Variants in CREB1 observed in about 807,000 individuals in gnomAD.
The protein encoded by CREB1 is cyclic AMP-responsive element-binding protein 1.
In CREB1, 2 loss-of-function variants were observed where a neutral mutation model predicts 42.0. The ratio of observed to expected loss-of-function variants is 0.05; its 90% CI spans 0.02 to 0.15. The LOEUF is 0.15. CREB1 is among the 10% of genes least tolerant of loss of function. The pLI, the probability that CREB1 is intolerant of heterozygous loss-of-function variation, is 1.00. For missense variants in CREB1, 199 were observed against 388.9 expected (o/e 0.51, Z 4.11); for synonymous variants, 123 against 139.9 (o/e 0.88, Z 0.85).
chr2:207,558,799 A>C (rs1440799809), intron 2 of CREB1, among the ~76,000 whole-genome samples: 1 of 151,626 alleles, frequency 6.6e-6, no homozygotes, highest in Non-Finnish European at 1.5e-5. Context: ...CTGCCACCAT[A>C]CCTGGCTAAT....
At chr2:207,591,865 AT>A (rs1282025159) in intron 7 of CREB1, among the ~76,000 whole-genome samples, 1 of 152,168 alleles carries the variant, frequency 6.6e-6, no homozygotes, top group Non-Finnish European at 1.5e-5. Context: ...TGCCTTTTAA[AT>A]GGTTTAGATC....
At chr2:207,582,841 T>C in intron 7 of CREB1, 1 of 338,306 alleles carries the variant, frequency 3.0e-6, no homozygotes, top group Non-Finnish European at 5.9e-6. Context: ...TGCAGTGAGC[T>C]GAGATGGCAC....
At chr2:207,548,940 A>C (rs1273341371) in intron 1 of CREB1, among the ~76,000 whole-genome samples, 1 of 152,252 alleles carries the variant, frequency 6.6e-6, no homozygotes, top group African/African-American at 2.4e-5. Flanking sequence ...TTCAGATCAC[A>C]GAGTTAACTT....
intron 7 of CREB1, chr2:207,580,488 G>A (rs544557268): frequency 4.6e-6 from 1 of 216,638 alleles, no homozygotes; most frequent in Admixed American, 5.8e-5. Context: ...TCCATATTTG[G>A]TTTCCTCTTC....
At chr2:207,561,850 C>T (rs889860810) in intron 3 of CREB1, among the ~76,000 whole-genome samples, 1 of 152,134 alleles carries the variant, frequency 6.6e-6, no homozygotes, top group African/African-American at 2.4e-5. Flanking sequence ...CCATTTTATA[C>T]TATTGAGTCA....
At chr2:207,569,832 T>G (rs2082285626) in intron 4 of CREB1, among the ~76,000 whole-genome samples, 1 of 151,842 alleles carries the variant, frequency 6.6e-6, no homozygotes, top group African/African-American at 2.4e-5. Flanking sequence ...TCACATGAGG[T>G]CAGGAGTTCG....
chr2:207,559,270 C>G (rs1319185171), intron 2 of CREB1: 4 of 976,456 alleles, frequency 4.1e-6, no homozygotes, highest in East Asian at 1.1e-4. Flanking sequence ...GTAATAATAA[C>G]AAGTCTAACT....
chr2:207,555,441 T>G (rs893245396), intron 1 of CREB1, among the ~76,000 whole-genome samples, 187 bp from the exon 2 acceptor site: 1 of 152,158 alleles, frequency 6.6e-6, no homozygotes, highest in Non-Finnish European at 1.5e-5. Context: ...GACTAGAACT[T>G]TTATAGCTCA....
In CREB1 at chr2:207,598,056, A is replaced by C. The variant is rs2086458974; in HGVS notation, c.*998A>C. The stretch of plus-strand genomic sequence containing the variant: ...ACCAAGAAAGCCTTCAAGATGTCAA[A>C]TAAAGCAAAGTGATATATATTTGTT... On this transcript the variant is annotated 3_prime_UTR_variant, in exon 8 of 8. Coordinates refer to ENST00000353267, the MANE Select transcript of CREB1 (RefSeq NM_004379.5). 1 of 181,286 alleles carries C rather than the reference A, an allele frequency of 5.5e-6. No individual in the cohort carries two copies. The highest frequency in any genetic ancestry group is 1.2e-5 in the Non-Finnish European group (1 of 84,944). 11.2% of individuals were successfully genotyped at this position (181,286 alleles called of 1,614,324 possible). A position where few individuals can be genotyped will look rare whatever the true frequency, so the allele number is the denominator to read the frequency against.
intron 7 of CREB1, among the ~76,000 whole-genome samples, chr2:207,593,308 T>A (rs1484424146): frequency 1.3e-5 from 2 of 152,212 alleles, no homozygotes; most frequent in Non-Finnish European, 2.9e-5. Context: ...GGAGGATAGC[T>A]TGAGCCCAGG....
At position 207,599,633 on chromosome 2, in the gene CREB1, C is replaced by G. The variant is rs1457945466; in HGVS notation, c.*2575C>G. The G allele has an allele frequency of 2.0e-5, 4 of 199,528 alleles. No individual in the cohort carries two copies. Among genetic ancestry groups the G allele is most frequent in the African/African-American group, 2.3e-5 (1 of 43,394 alleles). 12.4% of individuals were successfully genotyped at this position (199,528 alleles called of 1,614,324 possible). Reference sequence around the variant, plus strand: ...CCTGTTGCTAAATCTGTCTTAGACCCTTGGTGAAACTTGAAGATTTCAGTT... The same window carrying G: ...CCTGTTGCTAAATCTGTCTTAGACCGTTGGTGAAACTTGAAGATTTCAGTT... On this transcript the variant is annotated 3_prime_UTR_variant, in exon 8 of 8. Coordinates refer to ENST00000353267, the MANE Select transcript of CREB1 (RefSeq NM_004379.5).
intron 1 of CREB1, among the ~76,000 whole-genome samples, chr2:207,536,550 T>C (rs2080877892): frequency 6.6e-6 from 1 of 151,702 alleles, no homozygotes; most frequent in Non-Finnish European, 1.5e-5. Context: ...AGCGAAACTC[T>C]GTCTTAAGAA....
chr2:207,570,112 C>A, intron 4 of CREB1, 67 bp from the exon 5 acceptor site: 13 of 924,256 alleles, frequency 1.4e-5, no homozygotes, highest in East Asian at 4.2e-5. Flanking sequence ...TCATCTTTAA[C>A]TATATTTGTA....
chr2:207,592,947 C>G (rs1302751329), intron 7 of CREB1, among the ~76,000 whole-genome samples: 1 of 74,962 alleles, frequency 1.3e-5, no homozygotes, highest in Admixed American at 1.4e-4. Context: ...ATACTTTCTT[C>G]AAATATTTTT....
At position 207,597,289 on chromosome 2, in the gene CREB1, A is replaced by G. The variant is rs1216544364; in HGVS notation, c.*231A>G. On this transcript the variant is annotated 3_prime_UTR_variant, in exon 8 of 8. Transcript: ENST00000353267. ...AAATTTTCAACGCCAGGAATCATGA[A>G]GAGACTTCTGCTTTTCAACCCCCAC... 11 of 433,842 alleles carry G rather than the reference A, an allele frequency of 2.5e-5. No individual in the cohort carries two copies. The highest frequency in any genetic ancestry group is 4.0e-5 in the Non-Finnish European group (10 of 249,772). 26.9% of individuals were successfully genotyped at this position (433,842 alleles called of 1,614,324 possible).
intron 1 of CREB1, among the ~76,000 whole-genome samples, chr2:207,531,592 T>G (rs2080631774): frequency 6.6e-6 from 1 of 152,264 alleles, no homozygotes; most frequent in South Asian, 2.1e-4. Context: ...GAAGGTTTAG[T>G]AGAAGATACT....
At chr2:207,596,789 G>A in intron 7 of CREB1, 125 bp from the exon 8 acceptor site, 1 of 1,121,544 alleles carries the variant, frequency 8.9e-7, no homozygotes, top group Non-Finnish European at 1.3e-6. Flanking sequence ...CTTTTCCAAT[G>A]CTTAATATAT....
At chr2:207,580,689 A>G (rs1225724393) in intron 7 of CREB1, 1 of 221,730 alleles carries the variant, frequency 4.5e-6, no homozygotes, top group East Asian at 6.6e-5. Flanking sequence ...AAACATTCTA[A>G]AAGAAAGTGT....
intron 7 of CREB1, among the ~76,000 whole-genome samples, chr2:207,590,004 T>A (rs1329415167): frequency 1.3e-5 from 2 of 152,034 alleles, no homozygotes; most frequent in East Asian, 3.8e-4. Context: ...GATTATAATA[T>A]TTGTATTATT....
Sources: gnomAD v4.1 joint callset for allele counts (sites outside exome capture counted in the v4.1 genomes callset) on GRCh38, gnomAD v4.1.1 for gene constraint, MANE v1.5 for transcripts, NCBI Gene and HGNC (gene_info 2026-07-23, HGNC 2026-07-21) for gene names.